UBE2H: variants seen among roughly 807,000 people sequenced by gnomAD.
The protein encoded by UBE2H is ubiquitin-conjugating enzyme E2 H.
UBE2H carries 3 observed loss-of-function variants against 29.0 expected under a neutral mutation model. That is an observed-to-expected ratio of 0.10 (90% CI 0.05 to 0.27). UBE2H has a LOEUF of 0.27. Ranked by LOEUF, UBE2H falls within the 10% of genes least tolerant of loss-of-function variation. The pLI, the probability that UBE2H is intolerant of heterozygous loss-of-function variation, is 1.00. For synonymous variants in UBE2H, 69 were observed against 82.9 expected (o/e 0.83, Z 0.91); for missense variants, 68 against 228.2 (o/e 0.30, Z 4.52).
In UBE2H at chr7:129,834,904, A is replaced by T; in HGVS notation, c.*33T>A. ...AGTCTGCTTCTCATGGTTAGGAAAT[A>T]ATAGTCTTTCTGAAAAGCAGGTGCT... On this transcript the variant is annotated 3_prime_UTR_variant, in exon 7 of 7. Coordinates refer to ENST00000355621, the MANE Select transcript of UBE2H (RefSeq NM_003344.4). 1 of 1,611,252 alleles carries T rather than the reference A, an allele frequency of 6.2e-7. No individual in the cohort carries two copies. The highest frequency in any genetic ancestry group is 8.5e-7 in the Non-Finnish European group (1 of 1,179,568).
In UBE2H at chr7:129,934,237, G is replaced by T. The variant is rs142715146; in HGVS notation, c.53+18266C>A. Among the ~76,000 whole-genome samples, 492 of 152,124 alleles carry T rather than the reference G, an allele frequency of 3.2e-3. 1 individual carries two copies. The highest frequency in any genetic ancestry group is 6.0e-3 in the Non-Finnish European group (411 of 68,002). ...CTCAGGAGGCTGAGGCAGGAGGACC[G>T]CTTGAGCCTGGGAGGTGGAGGTTGC... On this transcript the variant is annotated intron_variant, in intron 1 of 6. Transcript: ENST00000355621.
intron 5 of UBE2H, among the ~76,000 whole-genome samples, chr7:129,848,060 A>C (rs960278225): frequency 6.6e-6 from 1 of 152,204 alleles, no homozygotes; most frequent in African/African-American, 2.4e-5. Context: ...AAGTTTCCTT[A>C]AAACAATCAC....
At chr7:129,924,923 A>C (rs1486222664) in intron 1 of UBE2H, among the ~76,000 whole-genome samples, 1 of 152,090 alleles carries the variant, frequency 6.6e-6, no homozygotes, top group African/African-American at 2.4e-5. Flanking sequence ...TCTGAGTTAA[A>C]GGTTGAGGGT....
At chr7:129,893,479 T>C (rs577074897) in intron 1 of UBE2H, among the ~76,000 whole-genome samples, 4 of 152,198 alleles carry the variant, frequency 2.6e-5, no homozygotes, top group African/African-American at 9.6e-5. Flanking sequence ...AAAAGCAGAT[T>C]TACAAAGTCA....
At chr7:129,884,542 T>C (rs980071103) in intron 1 of UBE2H, among the ~76,000 whole-genome samples, 5 of 151,960 alleles carry the variant, frequency 3.3e-5, no homozygotes, top group Admixed American at 2.0e-4. Flanking sequence ...AGTTTAAAAA[T>C]GGAAACGGTC....
chr7:129,863,182 A>G (rs1455810120), intron 3 of UBE2H, among the ~76,000 whole-genome samples: 1 of 152,230 alleles, frequency 6.6e-6, no homozygotes, highest in Non-Finnish European at 1.5e-5. Context: ...TTAGTTGAGT[A>G]CAGGAATAAA....
At chr7:129,951,949 C>G (rs185495233) in intron 1 of UBE2H, among the ~76,000 whole-genome samples, 1 of 152,116 alleles carries the variant, frequency 6.6e-6, no homozygotes, top group Non-Finnish European at 1.5e-5. Context: ...ACACACAGAG[C>G]TCTTTCTTAG....
At chr7:129,860,769 A>C (rs1805785565) in intron 3 of UBE2H, among the ~76,000 whole-genome samples, 1 of 152,098 alleles carries the variant, frequency 6.6e-6, no homozygotes, top group African/African-American at 2.4e-5. Context: ...TTATTTAAAT[A>C]AACTAAAACA....
chr7:129,900,366 AG>A (rs1806685635), intron 1 of UBE2H, among the ~76,000 whole-genome samples: 1 of 152,234 alleles, frequency 6.6e-6, no homozygotes, highest in African/African-American at 2.4e-5. Flanking sequence ...AAAGCCATAG[AG>A]TTTACCCTTG....
intron 1 of UBE2H, among the ~76,000 whole-genome samples, chr7:129,939,699 C>A (rs1190257553): frequency 6.6e-6 from 1 of 152,130 alleles, no homozygotes; most frequent in African/African-American, 2.4e-5. Context: ...GTGGCTCATG[C>A]CTGTAATCCC....
chr7:129,890,387 A>T lies in UBE2H; in HGVS notation c.54-9416T>A, dbSNP rs200976895. 1.2e-3 allele frequency among the ~76,000 whole-genome samples: 182 copies of T among 151,300 alleles called. 2 individuals carry two copies. The highest frequency in any genetic ancestry group is 6.9e-3 in the Middle Eastern group (2 of 290). On this transcript the variant is annotated intron_variant, in intron 1 of 6. Transcript: ENST00000355621. ...TATATATACACACACTTATATATAT[A>T]TTTTTTTTAAAGATGGAGTTTTGCT... is the stretch of plus-strand genomic sequence containing the variant.
At chr7:129,884,742 C>T (rs1806325412) in intron 1 of UBE2H, among the ~76,000 whole-genome samples, 1 of 151,900 alleles carries the variant, frequency 6.6e-6, no homozygotes, top group African/African-American at 2.4e-5. Context: ...CACCACCACA[C>T]CCAGCTAATT....
intron 1 of UBE2H, among the ~76,000 whole-genome samples, chr7:129,908,095 G>A (rs1741484872): frequency 6.6e-6 from 1 of 152,118 alleles, no homozygotes; most frequent in African/African-American, 2.4e-5. Context: ...TTCTATACGA[G>A]GTTTGGCTTG....
At chr7:129,947,309 GC>G (rs1807785131) in intron 1 of UBE2H, among the ~76,000 whole-genome samples, 1 of 152,164 alleles carries the variant, frequency 6.6e-6, no homozygotes, top group Non-Finnish European at 1.5e-5. Context: ...ACTGAGAGTT[GC>G]CAAATCTTTA....
At chr7:129,860,962 A>G (rs6959075) in intron 3 of UBE2H, among the ~76,000 whole-genome samples, 36,901 of 152,074 alleles carry the variant, frequency 0.24, 4,632 homozygotes, top group African/African-American at 0.27. Context: ...TGGCTCATGC[A>G]TGTAATCCCA....
At chr7:129,860,633 C>T (rs1173268642) in intron 3 of UBE2H, among the ~76,000 whole-genome samples, 1 of 151,930 alleles carries the variant, frequency 6.6e-6, no homozygotes, top group Non-Finnish European at 1.5e-5. Flanking sequence ...GGAGTACATC[C>T]ATCTACCTGA....
chr7:129,890,996 C>T (rs1283898740), intron 1 of UBE2H, among the ~76,000 whole-genome samples: 4 of 151,544 alleles, frequency 2.6e-5, no homozygotes, highest in East Asian at 2.0e-4. Flanking sequence ...ATTAGCTGGG[C>T]GTGGTGGCGG....
chr7:129,885,028 C>T (rs1050546853), intron 1 of UBE2H, among the ~76,000 whole-genome samples: 1 of 151,574 alleles, frequency 6.6e-6, no homozygotes, highest in Non-Finnish European at 1.5e-5. Flanking sequence ...GATTGTGCCA[C>T]TCCACTCCAG....
At chr7:129,923,975 C>G (rs1807214969) in intron 1 of UBE2H, among the ~76,000 whole-genome samples, 1 of 152,246 alleles carries the variant, frequency 6.6e-6, no homozygotes, top group Non-Finnish European at 1.5e-5. Context: ...ACAGCAAAAA[C>G]TGATTCATTC....
Sources: allele counts gnomAD v4.1 joint callset (sites outside exome capture counted in the v4.1 genomes callset), GRCh38; gene constraint gnomAD v4.1.1; transcripts MANE v1.5; gene names NCBI Gene and HGNC (gene_info 2026-07-23, HGNC 2026-07-21).